The following OTUD7A variants were observed in gnomAD, a reference collection of about 807,000 sequenced individuals.
OTUD7A encodes the protein OTU deubiquitinase 7A.
In OTUD7A, 12 loss-of-function variants were observed where a neutral mutation model predicts 65.7. That is an observed-to-expected ratio of 0.18 (90% confidence interval 0.12 to 0.30). The LOEUF is 0.30. Ranked by LOEUF, OTUD7A falls within the 10% of genes least tolerant of loss-of-function variation. OTUD7A has a pLI of 1.00. For synonymous variants in OTUD7A, 641 were observed against 586.3 expected (o/e 1.09, Z -1.35); for missense variants, 1,148 against 1,304.8 (o/e 0.88, Z 1.85).
At chr15:31,737,862 G>A (rs1894234672) in intron 1 of OTUD7A, among the ~76,000 whole-genome samples, 1 of 152,208 alleles carries the variant, frequency 6.6e-6, no homozygotes, top group African/African-American at 2.4e-5. Context: ...GGAAGCTTCA[G>A]AATCATATGT....
chr15:31,607,012 T>C (rs1595650362), intron 3 of OTUD7A, among the ~76,000 whole-genome samples: 1 of 152,246 alleles, frequency 6.6e-6, no homozygotes, highest in Admixed American at 6.5e-5. Flanking sequence ...TTTACAACAA[T>C]ACTGACACTG....
In OTUD7A at chr15:31,532,056, C is replaced by T. The variant is rs148031512; in HGVS notation, c.551-1248G>A. Among the ~76,000 whole-genome samples the T allele has an allele frequency of 5.9e-3, 902 of 152,208 alleles. 25 individuals are homozygous for T. The highest frequency in any genetic ancestry group is 0.044 in the Admixed American group (670 of 15,286). On this transcript the variant is annotated intron_variant, in intron 5 of 12. Transcript: ENST00000307050. ...CCTACCAGAGTGGTGTCAGGAGGTC[C>T]GCTAAAACACAAGATTTAAGTAAGA...
At chr15:31,609,069 G>A (rs1019126872) in intron 3 of OTUD7A, among the ~76,000 whole-genome samples, 8 of 152,222 alleles carry the variant, frequency 5.3e-5, no homozygotes, top group African/African-American at 7.2e-5. Context: ...CAGGGGTAGA[G>A]GAGGCAGCGG....
chr15:31,713,892 C>A (rs1346023213), intron 1 of OTUD7A, among the ~76,000 whole-genome samples: 1 of 149,490 alleles, frequency 6.7e-6, no homozygotes, highest in Non-Finnish European at 1.5e-5. Context: ...AAAAGTTGCT[C>A]AACCTTATTA....
intron 1 of OTUD7A, among the ~76,000 whole-genome samples, chr15:31,868,333 G>A (rs530040063): frequency 2.4e-4 from 37 of 152,312 alleles, no homozygotes; most frequent in African/African-American, 7.9e-4. Context: ...GTACTACAGC[G>A]AGTTAAACCA....
chr15:31,620,365 T>C (rs1890740619), intron 3 of OTUD7A, among the ~76,000 whole-genome samples: 1 of 152,194 alleles, frequency 6.6e-6, no homozygotes, highest in Admixed American at 6.5e-5. Flanking sequence ...CTTTTACCTC[T>C]GGTAGAATTC....
At chr15:31,758,133 T>C (rs1595749829) in intron 1 of OTUD7A, among the ~76,000 whole-genome samples, 1 of 152,234 alleles carries the variant, frequency 6.6e-6, no homozygotes, top group South Asian at 2.1e-4. Flanking sequence ...AAAAGTCATG[T>C]AGTCAAAGTT....
At chr15:31,746,323 T>C (rs1894475197) in intron 1 of OTUD7A, among the ~76,000 whole-genome samples, 1 of 152,160 alleles carries the variant, frequency 6.6e-6, no homozygotes, top group Admixed American at 6.5e-5. Context: ...GTAATGACTG[T>C]GGTGTGTATT....
intron 5 of OTUD7A, among the ~76,000 whole-genome samples, chr15:31,543,825 C>T (rs986587174): frequency 4.6e-5 from 7 of 151,696 alleles, no homozygotes; most frequent in Non-Finnish European, 1.0e-4. Context: ...ACATCTCTAT[C>T]GGTAATTGAG....
At chr15:31,513,173 A>G (rs2041783263) in intron 8 of OTUD7A, among the ~76,000 whole-genome samples, 1 of 152,238 alleles carries the variant, frequency 6.6e-6, no homozygotes, top group Non-Finnish European at 1.5e-5. Flanking sequence ...ATCCAACCCA[A>G]TTAACCTTAT....
At chr15:31,714,521 C>A (rs116320955) in intron 1 of OTUD7A, among the ~76,000 whole-genome samples, 2,134 of 152,216 alleles carry the variant, frequency 0.014, 57 homozygotes, top group African/African-American at 0.05. Flanking sequence ...GGCATATTTA[C>A]ATTTTTTTAT....
At chr15:31,519,642 A>T (rs2041912049) in intron 8 of OTUD7A, among the ~76,000 whole-genome samples, 1 of 152,218 alleles carries the variant, frequency 6.6e-6, no homozygotes, top group South Asian at 2.1e-4. Flanking sequence ...TACTGGAAGT[A>T]CCCACAGCGC....
At chr15:31,623,919 T>G (rs1440768935) in intron 3 of OTUD7A, among the ~76,000 whole-genome samples, 1 of 152,224 alleles carries the variant, frequency 6.6e-6, no homozygotes, top group Non-Finnish European at 1.5e-5. Flanking sequence ...CCCCACCGAT[T>G]TGATTTCAAT....
chr15:31,827,233 A>G (rs1896818853), intron 1 of OTUD7A, among the ~76,000 whole-genome samples: 1 of 152,252 alleles, frequency 6.6e-6, no homozygotes, highest in Non-Finnish European at 1.5e-5. Flanking sequence ...TTACAGTTCC[A>G]TGTGGCTGGG....
chr15:31,497,638 C>T (rs938517018), intron 10 of OTUD7A, among the ~76,000 whole-genome samples: 15 of 152,288 alleles, frequency 9.8e-5, no homozygotes, highest in African/African-American at 3.6e-4. Context: ...CCCTCTTCGA[C>T]CCTGAAGGTT....
At chr15:31,777,067 T>A (rs775991271) in intron 1 of OTUD7A, among the ~76,000 whole-genome samples, 24 of 152,090 alleles carry the variant, frequency 1.6e-4, no homozygotes, top group Non-Finnish European at 3.2e-4. Flanking sequence ...TACCATAAAC[T>A]GGGTCGCTCA....
chr15:31,514,465 C>G (rs1470760245), intron 8 of OTUD7A, among the ~76,000 whole-genome samples: 2 of 152,116 alleles, frequency 1.3e-5, no homozygotes, highest in South Asian at 2.1e-4. Flanking sequence ...TCTCCCTCTC[C>G]ATGTTTATTT....
At chr15:31,767,819 GA>G in intron 1 of OTUD7A, 1 of 840,980 alleles carries the variant, frequency 1.2e-6, no homozygotes, top group Non-Finnish European at 2.0e-6. Context: ...TTTATCTTTG[GA>G]AAAGTTCTCT....
At chr15:31,631,399 G>C (rs1275909084) in intron 3 of OTUD7A, among the ~76,000 whole-genome samples, 5 of 152,208 alleles carry the variant, frequency 3.3e-5, no homozygotes, top group East Asian at 1.9e-4. Context: ...TTTTCTTTAA[G>C]AATGTTGAAT....
Sources: gnomAD v4.1 joint callset for allele counts (sites outside exome capture counted in the v4.1 genomes callset) on GRCh38, gnomAD v4.1.1 for gene constraint, MANE v1.5 for transcripts, NCBI Gene and HGNC (gene_info 2026-07-23, HGNC 2026-07-21) for gene names.